Variants in SPOUT1 observed in about 807,000 individuals in gnomAD.
SPOUT1 encodes the protein SPOUT domain containing methyltransferase 1.
SPOUT1 carries 40 observed loss-of-function variants against 54.8 expected under a neutral mutation model. The observed-to-expected ratio is 0.73, with a 90% CI of 0.57 to 0.95. The LOEUF is 0.95. Among genes scored for constraint, SPOUT1 ranks in the 40% least tolerant of loss-of-function variants. The pLI is 0.00. For synonymous variants in SPOUT1, 193 were observed against 200.3 expected (o/e 0.96, Z 0.31); for missense variants, 437 against 499.5 (o/e 0.87, Z 1.19).
chr9:128,822,792 G>A lies in SPOUT1; in HGVS notation c.1104C>T (p.Leu368=). The part of the protein sequence containing the change: ...LISLAALQPG[L]IQAGARHT ...AGGTGTGCCGGGCACCCGCCTGGAT[G>A]AGGCCAGGCTGCAGGGCGGCCAGGG... The change falls in exon 12 of 12, where the codon CTC becomes CTT. Residue 368 remains leucine (L), a synonymous_variant. Coordinates refer to ENST00000361256, the MANE Select transcript of SPOUT1 (RefSeq NM_016390.4). The A allele has an allele frequency of 6.3e-7, 1 of 1,589,882 alleles. No individual in the cohort carries two copies. Among genetic ancestry groups the A allele is most frequent in the Non-Finnish European group, 8.6e-7 (1 of 1,167,252 alleles).
intron 3 of SPOUT1, among the ~76,000 whole-genome samples, chr9:128,828,367 A>C (rs537398804): frequency 6.6e-6 from 1 of 152,228 alleles, no homozygotes; most frequent in African/African-American, 2.4e-5. Flanking sequence ...GTGGTGGCAC[A>C]CTTCTGTAAT....
rs551172363 is a variant in SPOUT1, at chr9:128,828,092, A to G, written c.208+643T>C. ...TTCTTTGTAGTTTTCTTTCATTTTT[A>G]TTATGAAATCAAAATAATTGAAAAA... On this transcript the variant is annotated intron_variant, in intron 3 of 11. Transcript: ENST00000361256. Among the ~76,000 whole-genome samples, 217 of 152,332 alleles carry G rather than the reference A, an allele frequency of 1.4e-3. 1 individual carries two copies. Among genetic ancestry groups the G allele is most frequent in the Admixed American group, 2.5e-3 (38 of 15,312 alleles).
Position 128,822,651 on chromosome 9 carries a change from G to C in SPOUT1, c.*114C>G. The C allele has an allele frequency of 6.4e-7, 1 of 1,556,032 alleles. No homozygotes were observed. The highest frequency in any genetic ancestry group is 1.2e-5 in the South Asian group (1 of 84,342). ...AGACTGTGGGTGTGTGCAGGCCGGG[G>C]AGTATTAAAGGTGGTGATTTTTGGA... On this transcript the variant is annotated 3_prime_UTR_variant, in exon 12 of 12. Transcript: ENST00000361256.
intron 9 of SPOUT1, among the ~76,000 whole-genome samples, chr9:128,824,405 A>C (rs1159424692): frequency 3.9e-5 from 6 of 151,936 alleles, no homozygotes; most frequent in Non-Finnish European, 8.8e-5. Flanking sequence ...CTGTTCCTGG[A>C]AAGTCAAGGA....
rs927128807 is a variant in SPOUT1 at position 128,829,665 on chromosome 9, C to T, written c.36+80G>A. 25 of 1,134,972 alleles carry T rather than the reference C, an allele frequency of 2.2e-5. No individual in the cohort carries two copies. The East Asian group carries it at 5.3e-4, about 24-fold the overall frequency. 70.3% of individuals were successfully genotyped at this position (1,134,972 alleles called of 1,614,324 possible). A position where few individuals can be genotyped will look rare whatever the true frequency, so the allele number is the denominator to read the frequency against. On this transcript the variant is annotated intron_variant, in intron 1 of 11. Coordinates refer to ENST00000361256, the MANE Select transcript of SPOUT1 (RefSeq NM_016390.4). ...GCAGGCAGCAGGAGGCGCGGCCCGG[C>T]CCCGGCGAAGGCCCCCACGCCACTG...
chr9:128,828,649 C>T, intron 3 of SPOUT1, 86 bp downstream of exon 3: 2 of 1,451,440 alleles, frequency 1.4e-6, no homozygotes, highest in Non-Finnish European at 1.9e-6. Context: ...TCTGTAAAGG[C>T]CCTTTCAGAT....
rs530303291 is a variant in SPOUT1 at position 128,820,082 on chromosome 9, C to G, written c.*2683G>C. ...AAACCGTGAGCCTCCAGACATTGTC[C>G]TACCCTGCCTGCCTTCAGGCAGTTT... On this transcript the variant is annotated 3_prime_UTR_variant, in exon 12 of 12. Coordinates refer to ENST00000361256, the MANE Select transcript of SPOUT1 (RefSeq NM_016390.4). 6.6e-6 allele frequency: 1 copy of G among 152,542 alleles called. No homozygotes were observed. Among genetic ancestry groups the G allele is most frequent in the Non-Finnish European group, 1.5e-5 (1 of 68,204 alleles). The allele number at this position is 152,542 out of a possible 1,614,324, so 9.4% of individuals were successfully genotyped here.
rs1051141246 is a variant in SPOUT1 at position 128,829,765 on chromosome 9, T to C, written c.16A>G (p.Arg6Gly). ...CTTACCGGGCCGCACGGCCGCTTCC[T>C]GCCGCGCTCCGCCATGTTCCGCACA... is the stretch of plus-strand genomic sequence containing the variant. The part of the protein sequence containing the change: MAERG[R>G]KRPCGPGEHG... Residue 6 changes from arginine (R) to glycine (G), a missense_variant, in exon 1 of 12, where the codon AGG becomes GGG. Transcript: ENST00000361256. 6.2e-6 allele frequency: 10 copies of C among 1,602,708 alleles called. No homozygotes were observed. The African/African-American group carries it at 8.0e-5, about 13-fold the overall frequency.
At chr9:128,825,088 A>C in intron 7 of SPOUT1, 39 bp from the exon 8 acceptor site, 4 of 1,468,654 alleles carry the variant, frequency 2.7e-6, no homozygotes, top group Non-Finnish European at 3.7e-6. Flanking sequence ...CATTCCTCTC[A>C]AGATCAGCAG....
In SPOUT1 at chr9:128,826,847, A is replaced by T. The variant is rs1319190227; in HGVS notation, c.368+185T>A. ...ACAGGTTTAGGCCTTCTGGCTCCCA[A>T]TCCCACCTCTGTAGTCATCACCCCC... On this transcript the variant is annotated intron_variant, in intron 4 of 11. Transcript: ENST00000361256. This position sits in a 1 kb window ranked among gnomAD's most constrained non-coding sequence, Gnocchi z 5.5. Among the ~76,000 whole-genome samples the T allele has an allele frequency of 6.6e-6, 1 of 152,102 alleles. No homozygotes were observed. The highest frequency in any genetic ancestry group is 6.6e-5 in the Admixed American group (1 of 15,264).
chr9:128,823,683 ACCCGC>A, intron 11 of SPOUT1, 59 bp downstream of exon 11: 1 of 1,449,996 alleles, frequency 6.9e-7, no homozygotes, highest in Non-Finnish European at 9.4e-7. Context: ...CAAGAGTAGC[ACCCGC>A]CCCTCGGACA....
In SPOUT1 at chr9:128,820,959, C is replaced by A; in HGVS notation, c.*1806G>T. The A allele has an allele frequency of 1.1e-6, 1 of 949,856 alleles. No individual in the cohort carries two copies. Among genetic ancestry groups the A allele is most frequent in the Non-Finnish European group, 1.6e-6 (1 of 626,460 alleles). 58.8% of individuals were successfully genotyped at this position (949,856 alleles called of 1,614,324 possible). ...TCTGGGTCAATACCAGTTCCCTACT[C>A]ATCTGGTTTCTTGGCAAGCCTGTCA... is the stretch of plus-strand genomic sequence containing the variant. On this transcript the variant is annotated 3_prime_UTR_variant, in exon 12 of 12. Coordinates refer to ENST00000361256, the MANE Select transcript of SPOUT1 (RefSeq NM_016390.4).
In SPOUT1 at chr9:128,820,534, T is replaced by C. The variant is rs2132578105; in HGVS notation, c.*2231A>G. ...TGAGAAAAGACTTTGACACCTGGGCTGTGGGAGGGACAGAGGGTGGTGGCT... is the reference window on the plus strand; with the variant it reads ...TGAGAAAAGACTTTGACACCTGGGCCGTGGGAGGGACAGAGGGTGGTGGCT... On this transcript the variant is annotated 3_prime_UTR_variant, in exon 12 of 12. Coordinates refer to ENST00000361256, the MANE Select transcript of SPOUT1 (RefSeq NM_016390.4). 3.5e-6 allele frequency: 2 copies of C among 575,964 alleles called. No individual in the cohort carries two copies. Among genetic ancestry groups the C allele is most frequent in the East Asian group, 5.7e-5 (2 of 34,986 alleles). 35.7% of individuals were successfully genotyped at this position (575,964 alleles called of 1,614,324 possible).
At position 128,821,209 on chromosome 9, in the gene SPOUT1, C is replaced by CA; in HGVS notation, c.*1555dup. 1 of 295,398 alleles carries CA rather than the reference C, an allele frequency of 3.4e-6. No homozygotes were observed. The highest frequency in any genetic ancestry group is 3.6e-5 in the South Asian group (1 of 27,910). The allele number at this position is 295,398 out of a possible 1,614,324, so 18.3% of individuals were successfully genotyped here. ...CTCCCACCTTCCCCCCGCAGGTCTG[C>CA]AGTGCACCAAGCTCTCCCGCCTTCC... On this transcript the variant is annotated 3_prime_UTR_variant, in exon 12 of 12. Transcript: ENST00000361256.
intron 1 of SPOUT1, 42 bp downstream of exon 1, chr9:128,829,703 C>T (rs1270610125): frequency 6.7e-7 from 1 of 1,489,504 alleles, no homozygotes; most frequent in Non-Finnish European, 9.2e-7. Flanking sequence ...TCTCACGCCT[C>T]CACCATGCTG....
In SPOUT1 at chr9:128,822,537, CG is replaced by C. The variant is rs1830142711; in HGVS notation, c.*227del. On this transcript the variant is annotated 3_prime_UTR_variant, in exon 12 of 12. Transcript: ENST00000361256. ...CCCATCGAGAGCATTGAGCGGGCTT[CG>C]GGGCTGCTCTTTGTGCCAAACATCC... is the stretch of plus-strand genomic sequence containing the variant. 6.4e-7 allele frequency: 1 copy of C among 1,559,214 alleles called. No individual in the cohort carries two copies. The highest frequency in any genetic ancestry group is 1.4e-5 in the African/African-American group (1 of 73,722).
In SPOUT1 at chr9:128,821,005, C is replaced by T. The variant is rs2132580021; in HGVS notation, c.*1760G>A. On this transcript the variant is annotated 3_prime_UTR_variant, in exon 12 of 12. Transcript: ENST00000361256. Reference sequence around the variant, plus strand: ...TGTCAGCTTCCCTGCCTCGAGTCCCCTCATTCCACCTCCACAGCCAAAGAC... The same window carrying T: ...TGTCAGCTTCCCTGCCTCGAGTCCCTTCATTCCACCTCCACAGCCAAAGAC... 1.5e-6 allele frequency: 1 copy of T among 648,992 alleles called. No individual in the cohort carries two copies. The highest frequency in any genetic ancestry group is 1.9e-5 in the South Asian group (1 of 53,794). 40.2% of individuals were successfully genotyped at this position (648,992 alleles called of 1,614,324 possible).
chr9:128,829,249 C>A lies in SPOUT1; in HGVS notation c.37-94G>T, dbSNP rs905965875. 3 of 1,106,262 alleles carry A rather than the reference C, an allele frequency of 2.7e-6. No homozygotes were observed. The Admixed American group carries it at 5.1e-5, about 19-fold the overall frequency. The allele number at this position is 1,106,262 out of a possible 1,614,324, so 68.5% of individuals were successfully genotyped here. A position where few individuals can be genotyped will look rare whatever the true frequency, so the allele number is the denominator to read the frequency against. ...CTGCACCATAGCCAGCCCCTCCACA[C>A]GGGGCGGCAAGGAAGCCAAGGAACC... On this transcript the variant is annotated intron_variant, in intron 1 of 11. Transcript: ENST00000361256.
chr9:128,826,325 G>C lies in SPOUT1; in HGVS notation c.508+59C>G, dbSNP rs1393898717. 7.6e-6 allele frequency: 12 copies of C among 1,589,084 alleles called. No homozygotes were observed. The highest frequency in any genetic ancestry group is 1.7e-4 in the Middle Eastern group (1 of 6,022). ...GGACAGCGCAGGGTAGGACTGGGTG[G>C]TCTCAGTGTCTGTGGCATGATCCAG... On this transcript the variant is annotated intron_variant, in intron 6 of 11. Coordinates refer to ENST00000361256, the MANE Select transcript of SPOUT1 (RefSeq NM_016390.4). This position sits in a 1 kb window ranked among gnomAD's most constrained non-coding sequence, Gnocchi z 5.5.
Sources: gnomAD v4.1 joint callset for allele counts (sites outside exome capture counted in the v4.1 genomes callset) on GRCh38, gnomAD v4.1.1 for gene constraint, Gnocchi (gnomAD v3.1) non-coding constraint, MANE v1.5 for transcripts, NCBI Gene and HGNC (gene_info 2026-07-23, HGNC 2026-07-21) for gene names.